The following EPHA1 variants were observed in gnomAD, a reference collection of about 807,000 sequenced individuals.
EPHA1 encodes EPH receptor A1.
EPHA1 carries 92 observed loss-of-function variants against 110.1 expected under a neutral mutation model. The ratio of observed to expected loss-of-function variants is 0.84; its 90% CI spans 0.71 to 0.99. The LOEUF (loss-of-function observed/expected upper bound fraction) is 0.99, where lower values mean the gene tolerates loss of function less well. EPHA1 is among the 50% of genes least tolerant of loss of function. The pLI, the probability that EPHA1 is intolerant of heterozygous loss-of-function variation, is 0.00. For missense variants in EPHA1, 1,204 were observed against 1,285.4 expected (o/e 0.94, Z 0.97); for synonymous variants, 500 against 516.1 (o/e 0.97, Z 0.42).
At position 143,393,623 on chromosome 7, in the gene EPHA1, C is replaced by A; in HGVS notation, c.2696+48G>T. On this transcript the variant is annotated intron_variant, in intron 16 of 17. Transcript: ENST00000275815. The surrounding 1 kb of genome is among the most constrained non-coding windows in gnomAD (Gnocchi z 5.6). ...GATTGGCTGAATGCCCATTTCCACT[C>A]TCCTAGCGCTGCCTCTGGGTTCCCT... The A allele has an allele frequency of 6.3e-7, 1 of 1,594,138 alleles. No individual in the cohort carries two copies. Among genetic ancestry groups the A allele is most frequent in the South Asian group, 1.1e-5 (1 of 87,950 alleles).
In EPHA1 at chr7:143,393,847, C is replaced by T. The variant is rs1420387580; in HGVS notation, c.2520G>A (p.Glu840=). 1 of 1,569,540 alleles carries T rather than the reference C, an allele frequency of 6.4e-7. No homozygotes were observed. The highest frequency in any genetic ancestry group is 8.7e-7 in the Non-Finnish European group (1 of 1,154,544). Residue 840 remains glutamate, a synonymous_variant, in exon 16 of 18, where the codon GAG becomes GAA. Transcript: ENST00000275815. The surrounding 1 kb of genome is among the most constrained non-coding windows in gnomAD (Gnocchi z 5.6). ...MSNQEVMKSI[E]DGYRLPPPVD... is the part of the protein sequence containing the mutation. ...CAGGAGGGGGCAACCGGTACCCATC[C>T]TCAATGCTCTTCATAACCTGCACGG...
At chr7:143,392,692 C>T (rs1345313919) in intron 16 of EPHA1, among the ~76,000 whole-genome samples, 1 of 152,144 alleles carries the variant, frequency 6.6e-6, no homozygotes, top group Non-Finnish European at 1.5e-5. Context: ...GCCTGTAATC[C>T]CAGCACTTTG....
chr7:143,395,624 CCCTTCCTGGGACAGGGCGTGGGCTGT>C lies in EPHA1; in HGVS notation c.1898-146_1898-121del. The C allele has an allele frequency of 1.8e-6, 2 of 1,102,846 alleles. No homozygotes were observed. Among genetic ancestry groups the C allele is most frequent in the Non-Finnish European group, 2.6e-6 (2 of 783,848 alleles). 68.3% of individuals were successfully genotyped at this position (1,102,846 alleles called of 1,614,324 possible). On this transcript the variant is annotated intron_variant, in intron 11 of 17. Coordinates refer to ENST00000275815, the MANE Select transcript of EPHA1 (RefSeq NM_005232.5). The surrounding 1 kb of genome is among the most constrained non-coding windows in gnomAD (Gnocchi z 4.7). ...TCTGGAGAATCAGAAGCGTGGAGTG[CCCTTCCTGGGACAGGGCGTGGGCTGT>C]CCTTCCTGGGGAAGGTCAGAGTCTG...
rs1805250826 is a variant in EPHA1, at chr7:143,396,423, T to C, written c.1859A>G (p.Asp620Gly). The C allele has an allele frequency of 6.2e-7, 1 of 1,613,562 alleles. No homozygotes were observed. The highest frequency in any genetic ancestry group is 2.2e-5 in the East Asian group (1 of 44,842). Residue 620 changes from aspartate to glycine, a missense_variant, in exon 11 of 18, where the codon GAT becomes GGT. Physicochemically the swap from Asp to Gly is moderately conservative, Grantham distance 94 (BLOSUM62 -1). Coordinates refer to ENST00000275815, the MANE Select transcript of EPHA1 (RefSeq NM_005232.5). ...QGALDFTREL[D>G]PAWLMVDTVI... ...AGTGTCCACCATCAGCCACGCTGGA[T>C]CAAGCTCCCGGGTAAAGTCCAGGGC...
chr7:143,401,697 A>G lies in EPHA1; in HGVS notation c.151-92T>C. On this transcript the variant is annotated intron_variant, in intron 2 of 17. Coordinates refer to ENST00000275815, the MANE Select transcript of EPHA1 (RefSeq NM_005232.5). This position sits in a 1 kb window ranked among gnomAD's most constrained non-coding sequence, Gnocchi z 4.1. ...GCTGATGGAGAAGCAGCTGTGTCAG[A>G]GCCCCTCAGGTTTATGCTACTTGTT... 1.3e-6 allele frequency: 2 copies of G among 1,494,354 alleles called. No homozygotes were observed. Among genetic ancestry groups the G allele is most frequent in the East Asian group, 2.3e-5 (1 of 44,002 alleles). The allele number at this position is 1,494,354 out of a possible 1,614,324, so 92.6% of individuals were successfully genotyped here.
intron 7 of EPHA1, 119 bp from the exon 8 acceptor site, chr7:143,398,189 CA>C (rs1182388330): frequency 8.3e-6 from 13 of 1,574,524 alleles, no homozygotes; most frequent in African/African-American, 1.3e-5. Context: ...CAGGGTTCTT[CA>C]TAGACTTTTG....
chr7:143,396,297 A>C, intron 11 of EPHA1, 88 bp downstream of exon 11: 1 of 1,512,432 alleles, frequency 6.6e-7, no homozygotes, highest in East Asian at 2.4e-5. Context: ...TGGGCTGCCC[A>C]GGGAAGCGCT....
At chr7:143,405,579 C>T (rs1346046454) in intron 2 of EPHA1, among the ~76,000 whole-genome samples, 1 of 152,110 alleles carries the variant, frequency 6.6e-6, no homozygotes, top group Non-Finnish European at 1.5e-5. Context: ...AGAAAGTGGC[C>T]TTGCTGCCAT....
In EPHA1 at chr7:143,393,734, G is replaced by T. The variant is rs754403787; in HGVS notation, c.2633C>A (p.Ala878Glu). Residue 878 changes from alanine (A) to glutamate (E), a missense_variant, in exon 16 of 18, where the codon GCA becomes GAA. Coordinates refer to ENST00000275815, the MANE Select transcript of EPHA1 (RefSeq NM_005232.5). The surrounding 1 kb of genome is among the most constrained non-coding windows in gnomAD (Gnocchi z 5.6). ...GTTGGCAAGCAGTTGCTCCAGATGT[G>T]CCTGAAGCTTCTGGAAGTGTGGCCG... ...ARRPHFQKLQ[A>E]HLEQLLANPH... is the part of the protein sequence containing the mutation. The T allele has an allele frequency of 3.7e-6, 6 of 1,613,826 alleles. No homozygotes were observed. In the East Asian group the frequency reaches 1.1e-4, roughly 30 times the overall value.
intron 3 of EPHA1, among the ~76,000 whole-genome samples, chr7:143,400,333 G>A (rs1805384456): frequency 6.6e-6 from 1 of 152,124 alleles, no homozygotes; most frequent in African/African-American, 2.4e-5. Context: ...CACATCATGG[G>A]GCTAGGACTG....
chr7:143,396,744 G>A, intron 10 of EPHA1: 3 of 461,612 alleles, frequency 6.5e-6, no homozygotes, highest in Non-Finnish European at 1.2e-5. Context: ...GCGGTGGCCA[G>A]GATCCACACC....
chr7:143,395,484 G>T lies in EPHA1; in HGVS notation c.1918C>A (p.Arg640=), dbSNP rs112723648. Residue 640 remains arginine, a synonymous_variant, in exon 12 of 18, where the codon CGA becomes AGA. Coordinates refer to ENST00000275815, the MANE Select transcript of EPHA1 (RefSeq NM_005232.5). This position sits in a 1 kb window ranked among gnomAD's most constrained non-coding sequence, Gnocchi z 4.7. ...TGGCTGGGGAGCCTCAGGGTCCCTC[G>T]ATACACTTCCCCAAACTCTCCTGGG... ...IGEGEFGEVY[R]GTLRLPSQDC... 35 of 1,614,158 alleles carry T rather than the reference G, an allele frequency of 2.2e-5. No homozygotes were observed. In the African/African-American group the frequency reaches 2.8e-4, roughly 13 times the overall value.
chr7:143,399,434 A>G (rs1805354946), intron 4 of EPHA1, 21 bp from the exon 5 acceptor site: 2 of 1,561,612 alleles, frequency 1.3e-6, no homozygotes, highest in African/African-American at 1.4e-5. Flanking sequence ...AACGCAGCAG[A>G]GCAGTGGTTC....
rs1194676814 is a variant in EPHA1, at chr7:143,401,495, G to T, written c.261C>A (p.Tyr87Ter). ...TDHWLRSNWI[Y>*]RGEEASRVHV... is the part of the protein sequence containing the mutation. ...GGACGCGGGAAGCCTCCTCCCCGCGGTAGATCCAATTGGAGCGAAGCCAGT... is the reference window on the plus strand; with the variant it reads ...GGACGCGGGAAGCCTCCTCCCCGCGTTAGATCCAATTGGAGCGAAGCCAGT... Residue 87 changes from tyrosine (Y) to a stop codon, truncating the protein, a stop_gained, in exon 3 of 18, where the codon TAC becomes TAA. Transcript: ENST00000275815. LOFTEE classifies it high-confidence loss of function. This position sits in a 1 kb window ranked among gnomAD's most constrained non-coding sequence, Gnocchi z 4.1. The T allele has an allele frequency of 6.2e-7, 1 of 1,614,022 alleles. No individual in the cohort carries two copies. Among genetic ancestry groups the T allele is most frequent in the African/African-American group, 1.3e-5 (1 of 74,936 alleles).
Position 143,395,502 on chromosome 7 carries a change from C to T in EPHA1, c.1900G>A (p.Glu634Lys). 5 of 1,613,742 alleles carry T rather than the reference C, an allele frequency of 3.1e-6. No homozygotes were observed. Among genetic ancestry groups the T allele is most frequent in the Non-Finnish European group, 4.2e-6 (5 of 1,179,750 alleles). The change falls in exon 12 of 18, where the codon GAG becomes AAG. Residue 634 changes from glutamate to lysine, a missense_variant and splice_region_variant. Glu to Lys is a moderately conservative substitution (Grantham distance 56, BLOSUM62 1). Transcript: ENST00000275815. The surrounding 1 kb of genome is among the most constrained non-coding windows in gnomAD (Gnocchi z 4.7). ...LMVDTVIGEG[E>K]FGEVYRGTLR... The stretch of plus-strand genomic sequence containing the variant: ...GTCCCTCGATACACTTCCCCAAACT[C>T]TCCTGGGTAGAAAGAAAACAGGCTG...
intron 3 of EPHA1, 116 bp from the exon 4 acceptor site, chr7:143,400,169 T>C: frequency 8.0e-7 from 1 of 1,247,502 alleles, no homozygotes; most frequent in South Asian, 1.6e-5. Context: ...GAGCCTTGTA[T>C]GTGTGAGGTG....
rs1329029805 is a variant in EPHA1, at chr7:143,401,759, CTGAG to C, written c.151-158_151-155del. Among the ~76,000 whole-genome samples, 10 of 152,194 alleles carry C rather than the reference CTGAG, an allele frequency of 6.6e-5. No homozygotes were observed. The highest frequency in any genetic ancestry group is 1.3e-4 in the Non-Finnish European group (9 of 68,042). The stretch of plus-strand genomic sequence containing the variant: ...CACCCCTCAGCTCCAGGACAGTAGA[CTGAG>C]TGTTTAGGGTTGGGGATTTGTTTGG... On this transcript the variant is annotated intron_variant, in intron 2 of 17. Coordinates refer to ENST00000275815, the MANE Select transcript of EPHA1 (RefSeq NM_005232.5). The surrounding 1 kb of genome is among the most constrained non-coding windows in gnomAD (Gnocchi z 4.1).
At chr7:143,398,525 C>T in intron 6 of EPHA1, 76 bp downstream of exon 6, 1 of 1,608,072 alleles carries the variant, frequency 6.2e-7, no homozygotes. Flanking sequence ...TGGCTTCCTG[C>T]CCATCAGTTT....
Position 143,398,073 on chromosome 7 carries a change from G to A in EPHA1, c.1465-3C>T, listed in dbSNP as rs779045504. 12 of 1,613,780 alleles carry A rather than the reference G, an allele frequency of 7.4e-6. No individual in the cohort carries two copies. Among genetic ancestry groups the A allele is most frequent in the Non-Finnish European group, 1.0e-5 (12 of 1,179,808 alleles). On this transcript the variant is annotated splice_polypyrimidine_tract_variant and splice_region_variant and intron_variant, in intron 7 of 17. Coordinates refer to ENST00000275815, the MANE Select transcript of EPHA1 (RefSeq NM_005232.5). The stretch of plus-strand genomic sequence containing the variant: ...ACCATCTGGTACCGTTCTTCATCCT[G>A]TGGGTTGGAGTTGCATTAAGTGGGC...
Sources: allele counts gnomAD v4.1 joint callset (sites outside exome capture counted in the v4.1 genomes callset), GRCh38; gene constraint gnomAD v4.1.1; non-coding constraint Gnocchi (gnomAD v3.1); transcripts MANE v1.5; gene names NCBI Gene and HGNC (gene_info 2026-07-23, HGNC 2026-07-21).